The following ZNF69 variants were observed in gnomAD, a reference collection of about 807,000 sequenced individuals.
ZNF69 encodes zinc finger protein 69, also known as ZNF3.
Under a neutral mutation model 50.9 loss-of-function variants are expected in ZNF69, and 47 were observed. The ratio of observed to expected loss-of-function variants is 0.92; its 90% CI spans 0.73 to 1.18. ZNF69 has a LOEUF of 1.18. Among genes scored for constraint, ZNF69 ranks in the 50% most tolerant of loss-of-function variants. The probability of loss-of-function intolerance (pLI) is 0.00; values close to 1 mark genes in which losing one functional copy is unlikely to be tolerated. For synonymous variants in ZNF69, 216 were observed against 223.1 expected (o/e 0.97, Z 0.29); for missense variants, 717 against 675.1 (o/e 1.06, Z -0.69).
At chr19:11,966,017 T>C in the ZNF69 span, among the ~76,000 whole-genome samples, 1 of 152,070 alleles carries the variant, frequency 6.6e-6, no homozygotes, top group Admixed American at 6.6e-5. Flanking sequence ...TAGGAAGGAA[T>C]GCTGAAGGAA....
At chr19:11,922,539 G>C in the ZNF69 span, among the ~76,000 whole-genome samples, 2 of 152,214 alleles carry the variant, frequency 1.3e-5, no homozygotes, top group Non-Finnish European at 2.9e-5. Context: ...GGAACAAGCT[G>C]ACTTAATGAT....
chr19:11,958,109 C>A, the ZNF69 span, among the ~76,000 whole-genome samples: 1 of 152,152 alleles, frequency 6.6e-6, no homozygotes, highest in Non-Finnish European at 1.5e-5. Flanking sequence ...TGAATCACAG[C>A]CATTTTCAGG....
the ZNF69 span, among the ~76,000 whole-genome samples, chr19:11,945,771 A>T: frequency 7.2e-5 from 11 of 152,166 alleles, 1 homozygote; most frequent in South Asian, 1.5e-3. Context: ...CTTTAGCTGT[A>T]AAAGAGCTGT....
the ZNF69 span, among the ~76,000 whole-genome samples, chr19:11,956,180 T>G: frequency 6.6e-6 from 1 of 152,184 alleles, no homozygotes; most frequent in African/African-American, 2.4e-5. Context: ...CTTACCAAAT[T>G]TCAAGGATGA....
At chr19:11,937,084 G>T in the ZNF69 span, among the ~76,000 whole-genome samples, 8 of 152,074 alleles carry the variant, frequency 5.3e-5, no homozygotes, top group African/African-American at 1.9e-4. Flanking sequence ...GTTTTACTTT[G>T]AAGTCCAATT....
the ZNF69 span, among the ~76,000 whole-genome samples, chr19:11,971,862 G>A: frequency 6.6e-6 from 1 of 152,130 alleles, no homozygotes; most frequent in Non-Finnish European, 1.5e-5. Flanking sequence ...TCAGGAGTTT[G>A]AGACCAGCCT....
chr19:11,901,978 C>CTT (rs58505422), intron 1 of ZNF69, among the ~76,000 whole-genome samples: 1,354 of 119,084 alleles, frequency 0.011, 48 homozygotes, highest in African/African-American at 0.042. Flanking sequence ...ATGTTATTTT[C>CTT]TTTTTTTTTT....
At chr19:11,896,520 T>TACACAA (rs1467436023) in intron 1 of ZNF69, among the ~76,000 whole-genome samples, 1 of 152,114 alleles carries the variant, frequency 6.6e-6, no homozygotes, top group Admixed American at 6.6e-5. Flanking sequence ...TTCCTGGTTT[T>TACACAA]GCAGATGGTC....
the ZNF69 span, among the ~76,000 whole-genome samples, chr19:11,924,179 T>A: frequency 6.6e-6 from 1 of 152,058 alleles, no homozygotes; most frequent in East Asian, 1.9e-4. Flanking sequence ...ACGCCTGTAA[T>A]CCCAGCACTT....
chr19:11,897,287 C>T (rs1384708930), intron 1 of ZNF69, among the ~76,000 whole-genome samples: 3 of 152,090 alleles, frequency 2.0e-5, no homozygotes, highest in Non-Finnish European at 4.4e-5. Flanking sequence ...GCCAAGGTGG[C>T]GGTGAGCCAA....
At chr19:11,949,386 C>T in the ZNF69 span, 5 of 1,613,558 alleles carry the variant, frequency 3.1e-6, no homozygotes, top group African/African-American at 5.3e-5. Context: ...GTGGGAAAGC[C>T]TTCAGATCTA....
the ZNF69 span, among the ~76,000 whole-genome samples, chr19:11,935,019 T>C: frequency 2.0e-3 from 287 of 145,236 alleles, 40 homozygotes; most frequent in African/African-American, 7.1e-3. Context: ...CTACTAAAAA[T>C]AGAAAAAATT....
chr19:11,948,529 C>T, the ZNF69 span: 1 of 1,610,838 alleles, frequency 6.2e-7, no homozygotes, highest in Non-Finnish European at 8.5e-7. Flanking sequence ...GTGTCAACAA[C>T]CTAAAAATAA....
At chr19:11,949,950 C>A in the ZNF69 span, 6 of 1,614,120 alleles carry the variant, frequency 3.7e-6, no homozygotes, top group East Asian at 1.1e-4. Flanking sequence ...AAAGGACTCA[C>A]ACTGGAGAGA....
At chr19:11,893,499 C>G (rs1977146365) in intron 1 of ZNF69, among the ~76,000 whole-genome samples, 2 of 152,248 alleles carry the variant, frequency 1.3e-5, no homozygotes, top group South Asian at 4.1e-4. Context: ...TAGACATTTT[C>G]CCGAAAAATC....
the ZNF69 span, among the ~76,000 whole-genome samples, chr19:11,934,814 C>T: frequency 8.1e-5 from 12 of 148,042 alleles, 1 homozygote; most frequent in Non-Finnish European, 1.3e-4. Context: ...GCGTGAGCCA[C>T]TGCGCCCGGC....
At position 11,905,423 on chromosome 19, in the gene ZNF69, C is replaced by T. The variant is rs765424206; in HGVS notation, c.1026C>T (p.Ser342=). The T allele has an allele frequency of 1.7e-5, 27 of 1,614,046 alleles. No individual in the cohort carries two copies. The South Asian group carries it at 2.5e-4, about 15-fold the overall frequency. Residue 342 remains serine (S), a synonymous_variant, in exon 4 of 4, where the codon TCC becomes TCT. Transcript: ENST00000429654. ...GTACGCAGTGTGGGAAAGCATTATCCTCTCTTACAAGTTTTCAAACACACA... is the reference window on the plus strand; with the variant it reads ...GTACGCAGTGTGGGAAAGCATTATCTTCTCTTACAAGTTTTCAAACACACA... ...YECTQCGKAL[S]SLTSFQTHIR... is the part of the protein sequence containing the mutation.
At chr19:11,951,458 G>A in the ZNF69 span, among the ~76,000 whole-genome samples, 11 of 151,808 alleles carry the variant, frequency 7.2e-5, no homozygotes, top group East Asian at 3.9e-4. Context: ...CTCAAACTCC[G>A]GACCTCGTGA....
downstream of ZNF69, among the ~76,000 whole-genome samples, chr19:11,910,955 AG>A (rs1972449299): frequency 1.3e-5 from 2 of 152,150 alleles, no homozygotes; most frequent in South Asian, 4.1e-4. Context: ...GAATCTACAA[AG>A]AACTTAAACA....
Sources: allele counts gnomAD v4.1 joint callset (sites outside exome capture counted in the v4.1 genomes callset), GRCh38; gene constraint gnomAD v4.1.1; transcripts MANE v1.5; gene names NCBI Gene and HGNC (gene_info 2026-07-23, HGNC 2026-07-21).